Variants in SYNE2 observed in about 807,000 individuals in gnomAD.
SYNE2 encodes spectrin repeat containing nuclear envelope protein 2.
Under a neutral mutation model 856.3 loss-of-function variants are expected in SYNE2, and 431 were observed. The ratio of observed to expected loss-of-function variants is 0.50; its 90% CI spans 0.47 to 0.55. The LOEUF is 0.55. Among genes scored for constraint, SYNE2 ranks in the 20% least tolerant of loss-of-function variants. The pLI is 0.00. For synonymous variants in SYNE2, 2,923 were observed against 2,872.3 expected, an observed-to-expected ratio of 1.02 and a Z score of -0.56; for missense variants, 8,129 against 8,023.2, an observed-to-expected ratio of 1.01 and a Z score of -0.50.
rs138209076 is a variant in SYNE2, at chr14:64,163,521, C to T, written c.16419C>T (p.His5473=). 430 of 1,614,210 alleles carry T rather than the reference C, an allele frequency of 2.7e-4. 4 individuals carry two copies. In the East Asian group the frequency reaches 7.4e-3, roughly 28 times the overall value. Residue 5473 remains histidine, a synonymous_variant, in exon 89 of 116, where the codon CAC becomes CAT. Transcript: ENST00000555002. ...STHMLLPGPL[H]SLQRAAYLEK... is the part of the protein sequence containing the mutation. ...ACATGCTCCTCCCGGGCCCCCTGCA[C>T]TCTCTCCAGAGGGCTGCTTATTTGG...
chr14:63,777,502 G>A (rs1887153285), intron 1 of SYNE2, among the ~76,000 whole-genome samples: 1 of 152,144 alleles, frequency 6.6e-6, no homozygotes, highest in African/African-American at 2.4e-5. Context: ...GACAGAGCAA[G>A]ACCCTGCCTC....
intron 1 of SYNE2, among the ~76,000 whole-genome samples, chr14:63,873,000 C>T (rs1324742475): frequency 6.6e-6 from 1 of 152,098 alleles, no homozygotes; most frequent in Non-Finnish European, 1.5e-5. Context: ...CTAGGACCCA[C>T]CTGTTCACGT....
chr14:64,202,917 A>G lies in SYNE2; in HGVS notation c.18155A>G (p.Asp6052Gly). Residue 6052 changes from aspartate to glycine, a missense_variant, in exon 100 of 116, where the codon GAT (aspartate) becomes GGT (glycine). By Grantham distance (94) the Asp-to-Gly change is moderately conservative. This residue lies in a region of SYNE2 where 5,410 missense variants were observed against 5,284.8 expected (regional missense o/e 1.02). Transcript: ENST00000555002. ...ESELSKPVVY[D>G]VCDDQEIQKR... Reference sequence around the variant, plus strand: ...GAGCTTTCCAAGCCTGTTGTTTATGATGTCTGCGATGATCAAGAGATCCAG... The same window carrying G: ...GAGCTTTCCAAGCCTGTTGTTTATGGTGTCTGCGATGATCAAGAGATCCAG... 6.2e-7 allele frequency: 1 copy of G among 1,614,192 alleles called. No individual in the cohort carries two copies. Among genetic ancestry groups the G allele is most frequent in the South Asian group, 1.1e-5 (1 of 91,080 alleles).
chr14:63,817,107 A>C (rs1212251671), intron 1 of SYNE2, among the ~76,000 whole-genome samples: 1 of 152,124 alleles, frequency 6.6e-6, no homozygotes, highest in Non-Finnish European at 1.5e-5. Context: ...ACAATTCCAG[A>C]CTATCCCAGT....
intron 45 of SYNE2, among the ~76,000 whole-genome samples, chr14:64,033,698 A>G (rs1308664829): frequency 2.0e-5 from 3 of 152,176 alleles, no homozygotes; most frequent in Non-Finnish European, 2.9e-5. Context: ...GAAAAAAGAA[A>G]AAAAAAGGTT....
At chr14:63,995,636 C>T (rs1181703239) in intron 23 of SYNE2, among the ~76,000 whole-genome samples, 2 of 152,098 alleles carry the variant, frequency 1.3e-5, no homozygotes, top group African/African-American at 4.8e-5. Context: ...ATGTATTTGA[C>T]ATTCCTGACC....
Position 63,865,710 on chromosome 14 carries a change from AC to A in SYNE2, c.-52+12570del, listed in dbSNP as rs1429490991. On this transcript the variant is annotated intron_variant, in intron 1 of 115. Transcript: ENST00000555002. ...CTGGGCAACAAGAGCAAAACTCTGT[AC>A]CCACCCCCCCCCCAAAAAAAAAGAA... 1.7e-3 allele frequency among the ~76,000 whole-genome samples: 47 copies of A among 27,130 alleles called. 3 individuals carry two copies. Among genetic ancestry groups the A allele is most frequent in the South Asian group, 0.015 (9 of 606 alleles). 17.8% of individuals were successfully genotyped at this position (27,130 alleles called of 152,430 possible). A position where few individuals can be genotyped will look rare whatever the true frequency, so the allele number is the denominator to read the frequency against.
intron 1 of SYNE2, among the ~76,000 whole-genome samples, chr14:63,884,455 C>A (rs112341285): frequency 1.3e-5 from 2 of 152,094 alleles, no homozygotes; most frequent in African/African-American, 4.8e-5. Flanking sequence ...AAGAAGAAAG[C>A]GGTACTGTAA....
chr14:64,192,891 T>C (rs2098524676), intron 99 of SYNE2, among the ~76,000 whole-genome samples: 2 of 152,228 alleles, frequency 1.3e-5, no homozygotes, highest in African/African-American at 4.8e-5. Flanking sequence ...ATTTTTCTTA[T>C]TTTAAAGCAA....
chr14:64,218,779 G>A (rs1032001090), intron 109 of SYNE2, among the ~76,000 whole-genome samples: 2 of 152,170 alleles, frequency 1.3e-5, no homozygotes, highest in South Asian at 2.1e-4. Context: ...CTATATTTGT[G>A]TGTAAAGATC....
chr14:63,828,467 T>C (rs934773322), intron 1 of SYNE2, among the ~76,000 whole-genome samples: 2 of 151,708 alleles, frequency 1.3e-5, no homozygotes, highest in African/African-American at 2.4e-5. Context: ...TGGTAAAACC[T>C]GTCTCTACTA....
intron 45 of SYNE2, among the ~76,000 whole-genome samples, chr14:64,042,153 A>G (rs1353893935): frequency 6.6e-6 from 1 of 152,248 alleles, no homozygotes; most frequent in Admixed American, 6.5e-5. Context: ...AGTATAATGA[A>G]CTAGATGTAT....
chr14:63,952,243 C>T (rs1033331002), intron 7 of SYNE2, among the ~76,000 whole-genome samples: 10 of 152,296 alleles, frequency 6.6e-5, no homozygotes, highest in East Asian at 1.9e-4. Flanking sequence ...CAGAGCTGAC[C>T]TACACAGTAT....
rs775550911 is a variant in SYNE2, at chr14:64,214,507, C to T, written c.19333+37C>T. 3.2e-6 allele frequency: 5 copies of T among 1,582,522 alleles called. No homozygotes were observed. The Admixed American group carries it at 5.3e-5, about 17-fold the overall frequency. On this transcript the variant is annotated intron_variant, in intron 106 of 115. Transcript: ENST00000555002. Reference sequence around the variant, plus strand: ...GTTCCCAGCACCCTGGAAAGTGACCCGTTTGGCTATGTTTTTAGCCCCTTA... The same window carrying T: ...GTTCCCAGCACCCTGGAAAGTGACCTGTTTGGCTATGTTTTTAGCCCCTTA...
At chr14:63,911,840 T>G (rs1250939180) in intron 2 of SYNE2, among the ~76,000 whole-genome samples, 1 of 152,220 alleles carries the variant, frequency 6.6e-6, no homozygotes, top group Non-Finnish European at 1.5e-5. Flanking sequence ...TCAAAATAAT[T>G]AGCAAATTAC....
chr14:63,886,741 C>T (rs915616449), intron 1 of SYNE2, among the ~76,000 whole-genome samples: 13 of 152,196 alleles, frequency 8.5e-5, no homozygotes, highest in Middle Eastern at 6.8e-3. Flanking sequence ...CTCTCTGCAA[C>T]CTCTTCCTTC....
chr14:63,899,600 C>T (rs948015169), intron 1 of SYNE2, among the ~76,000 whole-genome samples: 1 of 152,092 alleles, frequency 6.6e-6, no homozygotes, highest in East Asian at 1.9e-4. Flanking sequence ...CTCCTGGGCT[C>T]GGGTGATCCT....
At chr14:63,959,098 T>C (rs2096275777) in intron 8 of SYNE2, among the ~76,000 whole-genome samples, 1 of 152,028 alleles carries the variant, frequency 6.6e-6, no homozygotes, top group Non-Finnish European at 1.5e-5. Context: ...CCTGGCTCTT[T>C]TTATTGGAGA....
At chr14:64,029,850 A>G (rs1258187524) in intron 43 of SYNE2, 45 bp from the exon 44 acceptor site, 6 of 1,586,596 alleles carry the variant, frequency 3.8e-6, no homozygotes, top group Non-Finnish European at 4.3e-6. Context: ...AGTGAAAACA[A>G]TCAGAGAGAA....
Sources: gnomAD v4.1 joint callset for allele counts (sites outside exome capture counted in the v4.1 genomes callset) on GRCh38, gnomAD v4.1.1 for gene constraint, gnomAD v4.1.1 regional missense constraint, MANE v1.5 for transcripts, NCBI Gene and HGNC (gene_info 2026-07-23, HGNC 2026-07-21) for gene names.